The following SLC44A1 variants were observed in gnomAD, a reference collection of about 807,000 sequenced individuals.
SLC44A1 encodes choline transporter-like protein 1.
Under a neutral mutation model 79.3 loss-of-function variants are expected in SLC44A1, and 26 were observed. The ratio of observed to expected loss-of-function variants is 0.33; its 90% CI spans 0.24 to 0.46. SLC44A1 has a LOEUF of 0.46. Ranked by LOEUF, SLC44A1 falls within the 20% of genes least tolerant of loss-of-function variation. The pLI, the probability that SLC44A1 is intolerant of heterozygous loss-of-function variation, is 1.00. For synonymous variants in SLC44A1, 263 were observed against 286.2 expected (o/e 0.92, Z 0.82); for missense variants, 688 against 798.1 (o/e 0.86, Z 1.66).
At chr9:105,352,182 C>T (rs1388284044) in intron 5 of SLC44A1, among the ~76,000 whole-genome samples, 7 of 152,280 alleles carry the variant, frequency 4.6e-5, no homozygotes, top group Admixed American at 3.3e-4. Flanking sequence ...TGTTTAGACT[C>T]GTAATTCCTG....
intron 4 of SLC44A1, among the ~76,000 whole-genome samples, chr9:105,347,742 A>T (rs185691657): frequency 6.6e-6 from 1 of 152,082 alleles, no homozygotes; most frequent in East Asian, 1.9e-4. Context: ...ACTTTTATCA[A>T]TTTATCAGTT....
At chr9:105,310,539 A>G (rs1013304468) in intron 3 of SLC44A1, among the ~76,000 whole-genome samples, 33 of 152,226 alleles carry the variant, frequency 2.2e-4, no homozygotes, top group Admixed American at 2.1e-3. Flanking sequence ...ATGAAACCTT[A>G]TTAGGCATTT....
chr9:105,255,110 T>G (rs1335591502), intron 1 of SLC44A1, among the ~76,000 whole-genome samples: 2 of 151,344 alleles, frequency 1.3e-5, no homozygotes, highest in Non-Finnish European at 2.9e-5. Context: ...TGTTTTTTTT[T>G]TTTTTTAATA....
intron 1 of SLC44A1, among the ~76,000 whole-genome samples, chr9:105,295,315 A>G (rs919015225): frequency 2.6e-5 from 4 of 152,218 alleles, no homozygotes; most frequent in Non-Finnish European, 5.9e-5. Flanking sequence ...TTTTGGTACT[A>G]TTCAGTTCCT....
chr9:105,406,847 C>G (rs1660720927), intron 15 of SLC44A1, among the ~76,000 whole-genome samples: 1 of 151,904 alleles, frequency 6.6e-6, no homozygotes, highest in African/African-American at 2.4e-5. Context: ...CTCAAAGACA[C>G]AAAGAAAGTG....
rs138342603 is a variant in SLC44A1 at position 105,247,443 on chromosome 9, A to G, written c.36+2539A>G. On this transcript the variant is annotated intron_variant, in intron 1 of 15. Coordinates refer to ENST00000374720, the MANE Select transcript of SLC44A1 (RefSeq NM_080546.5). ...TTCCCAAGTAGCTGGGATTATAGGT[A>G]TGCACCAGCTCATCTGGCTAATTTT... is the stretch of plus-strand genomic sequence containing the variant. Among the ~76,000 whole-genome samples, 4 of 152,134 alleles carry G rather than the reference A, an allele frequency of 2.6e-5. No individual in the cohort carries two copies. The East Asian group carries it at 7.7e-4, about 29-fold the overall frequency.
intron 1 of SLC44A1, among the ~76,000 whole-genome samples, chr9:105,295,014 T>C (rs575225684): frequency 2.0e-5 from 3 of 152,008 alleles, no homozygotes; most frequent in Non-Finnish European, 4.4e-5. Context: ...TCTTCATCTT[T>C]GTTACCATGT....
rs58361552 is a variant in SLC44A1 at position 105,394,509 on chromosome 9, CAAA to C, written c.*5464_*5466del. The C allele has an allele frequency of 2.1e-3, 1,921 of 908,262 alleles. No individual in the cohort carries two copies. Among genetic ancestry groups the C allele is most frequent in the Non-Finnish European group, 2.4e-3 (1,837 of 764,974 alleles). The allele number at this position is 908,262 out of a possible 1,614,324, so 56.3% of individuals were successfully genotyped here. A position where few individuals can be genotyped will look rare whatever the true frequency, so the allele number is the denominator to read the frequency against. On this transcript the variant is annotated 3_prime_UTR_variant, in exon 16 of 16. Transcript: ENST00000374720. Reference sequence around the variant, plus strand: ...AGGTACCAGATTATTTGCAGTGAGCCAAAAAAAAAAAAATATCCAAGAAGAAAT... The same window carrying C: ...AGGTACCAGATTATTTGCAGTGAGCCAAAAAAAAAATATCCAAGAAGAAAT...
In SLC44A1 at chr9:105,389,480, C is replaced by G; in HGVS notation, c.*424C>G. On this transcript the variant is annotated 3_prime_UTR_variant, in exon 16 of 16. Coordinates refer to ENST00000374720, the MANE Select transcript of SLC44A1 (RefSeq NM_080546.5). ...AATTTCCCTGATGTCTGTATAAAATCAAGATCTTATTTTACTGATGCATAA... is the reference window on the plus strand; with the variant it reads ...AATTTCCCTGATGTCTGTATAAAATGAAGATCTTATTTTACTGATGCATAA... 1 of 1,034,932 alleles carries G rather than the reference C, an allele frequency of 9.7e-7. No homozygotes were observed. Among genetic ancestry groups the G allele is most frequent in the Non-Finnish European group, 1.2e-6 (1 of 861,664 alleles). 64.1% of individuals were successfully genotyped at this position (1,034,932 alleles called of 1,614,324 possible).
chr9:105,286,092 C>A (rs1161676702), intron 1 of SLC44A1, among the ~76,000 whole-genome samples: 1 of 152,060 alleles, frequency 6.6e-6, no homozygotes, highest in Non-Finnish European at 1.5e-5. Flanking sequence ...CAGAGTGAGA[C>A]CCTGTCTCAA....
Position 105,337,598 on chromosome 9 carries a change from C to T in SLC44A1, c.406+1899C>T, listed in dbSNP as rs151310920. 4.6e-5 allele frequency among the ~76,000 whole-genome samples: 7 copies of T among 152,226 alleles called. No individual in the cohort carries two copies. In the East Asian group the frequency reaches 1.2e-3, roughly 25 times the overall value. ...CTTCAATCAATGCTAACCCCTTGCT[C>T]GGAAATCATCCATAGTAAAAAATAA... On this transcript the variant is annotated intron_variant, in intron 4 of 15. Transcript: ENST00000374720.
intron 1 of SLC44A1, among the ~76,000 whole-genome samples, chr9:105,285,480 C>T (rs977126057): frequency 4.7e-4 from 71 of 152,318 alleles, no homozygotes; most frequent in African/African-American, 1.4e-3. Context: ...CACTGTCTCA[C>T]GCGTCCATGT....
chr9:105,364,744 A>G (rs767667699), intron 10 of SLC44A1, 24 bp downstream of exon 10: 1 of 1,594,288 alleles, frequency 6.3e-7, no homozygotes, highest in East Asian at 2.2e-5. Flanking sequence ...GTTATTAGAA[A>G]ACTCGAGTTC....
chr9:105,263,104 C>T (rs1345105213), intron 1 of SLC44A1, among the ~76,000 whole-genome samples: 1 of 152,144 alleles, frequency 6.6e-6, no homozygotes, highest in East Asian at 1.9e-4. Flanking sequence ...TACAGAATTA[C>T]ACAACTGTCA....
In SLC44A1 at chr9:105,344,965, A is replaced by G. The variant is rs139065744; in HGVS notation, c.407-3393A>G. ...GGAAAGGACAGCGCAAGCAGAGGGA[A>G]CAGCATGTGTGAAAGCCTGGAAGCT... is the stretch of plus-strand genomic sequence containing the variant. On this transcript the variant is annotated intron_variant, in intron 4 of 15. Transcript: ENST00000374720. 1.6e-3 allele frequency among the ~76,000 whole-genome samples: 245 copies of G among 152,270 alleles called. 1 individual carries two copies. The highest frequency in any genetic ancestry group is 5.6e-3 in the African/African-American group (232 of 41,566).
At chr9:105,269,145 TA>T (rs1267481868) in intron 1 of SLC44A1, among the ~76,000 whole-genome samples, 1 of 152,216 alleles carries the variant, frequency 6.6e-6, no homozygotes, top group Non-Finnish European at 1.5e-5. Context: ...TTAATATTAA[TA>T]AATTTATGTC....
intron 15 of SLC44A1, among the ~76,000 whole-genome samples, chr9:105,388,083 G>T (rs1374687943): frequency 6.6e-6 from 1 of 152,148 alleles, no homozygotes; most frequent in African/African-American, 2.4e-5. Context: ...TATGTGCATT[G>T]TTCTGGTGCT....
intron 15 of SLC44A1, among the ~76,000 whole-genome samples, chr9:105,437,633 T>C (rs1015509405): frequency 3.3e-5 from 5 of 152,200 alleles, no homozygotes; most frequent in Admixed American, 2.0e-4. Flanking sequence ...AAAAGAATCA[T>C]GTTATACTTC....
In SLC44A1 at chr9:105,244,726, C is replaced by T. The variant is rs1829380326; in HGVS notation, c.-143C>T. On this transcript the variant is annotated 5_prime_UTR_variant, in exon 1 of 16. Transcript: ENST00000374720. ...TCTAGCCGCGCCGCCTCTTGAGTACCAGCCGCCGCTGCAGCCGCCGCCGCC... is the reference window on the plus strand; with the variant it reads ...TCTAGCCGCGCCGCCTCTTGAGTACTAGCCGCCGCTGCAGCCGCCGCCGCC... 5.7e-6 allele frequency: 2 copies of T among 353,668 alleles called. 1 individual carries two copies. The highest frequency in any genetic ancestry group is 9.3e-6 in the Non-Finnish European group (2 of 215,162). The allele number at this position is 353,668 out of a possible 1,614,324, so 21.9% of individuals were successfully genotyped here. A position where few individuals can be genotyped will look rare whatever the true frequency, so the allele number is the denominator to read the frequency against.
Sources: gnomAD v4.1 joint callset for allele counts (sites outside exome capture counted in the v4.1 genomes callset) on GRCh38, gnomAD v4.1.1 for gene constraint, MANE v1.5 for transcripts, NCBI Gene and HGNC (gene_info 2026-07-23, HGNC 2026-07-21) for gene names.